The following GAPVD1 variants were observed in gnomAD, a reference collection of about 807,000 sequenced individuals.
The protein encoded by GAPVD1 is GTPase activating protein and VPS9 domains 1.
In GAPVD1, 35 loss-of-function variants were observed where a neutral mutation model predicts 155.5. The observed-to-expected ratio is 0.23, with a 90% CI of 0.17 to 0.30. The LOEUF (loss-of-function observed/expected upper bound fraction) is 0.30, where lower values mean the gene tolerates loss of function less well. Ranked by LOEUF, GAPVD1 falls within the 10% of genes least tolerant of loss-of-function variation. The pLI is 1.00. For missense variants in GAPVD1, 1,429 were observed against 1,775.7 expected (o/e 0.80, Z 3.51); for synonymous variants, 636 against 619.7 (o/e 1.03, Z -0.39).
chr9:125,286,262 C>T (rs1192992481), intron 2 of GAPVD1, among the ~76,000 whole-genome samples: 3 of 152,236 alleles, frequency 2.0e-5, no homozygotes, highest in Non-Finnish European at 2.9e-5. Flanking sequence ...AACAGCTGTG[C>T]GCCACCATGC....
At chr9:125,305,371 GTTT>G (rs34474690) in intron 6 of GAPVD1, among the ~76,000 whole-genome samples, 34 of 111,558 alleles carry the variant, frequency 3.0e-4, no homozygotes, top group African/African-American at 1.1e-3. Context: ...ATTTTAAAAA[GTTT>G]TTTTTTTTTT....
rs199800662 is a variant in GAPVD1, at chr9:125,307,536, C to G, written c.1240C>G (p.Leu414Val). Residue 414 changes from leucine (L) to valine (V), a missense_variant, in exon 7 of 28, where the codon CTT (leucine) becomes GTT (valine). Transcript: ENST00000297933. The stretch of plus-strand genomic sequence containing the variant: ...TGTGGTTTATATAACCTACAGTCAG[C>G]TTATTACTCTGGTAATGGCTTCATT... ...RTVVYITYSQLITLVNFMKSV... is the reference protein window; with the variant it reads ...RTVVYITYSQVITLVNFMKSV... 5.2e-5 allele frequency: 83 copies of G among 1,609,204 alleles called. No individual in the cohort carries two copies. In the Admixed American group the frequency reaches 1.4e-3, roughly 27 times the overall value.
intron 2 of GAPVD1, among the ~76,000 whole-genome samples, chr9:125,285,596 A>T (rs564417374): frequency 3.3e-5 from 5 of 150,420 alleles, no homozygotes; most frequent in African/African-American, 9.8e-5. Flanking sequence ...AATAGCTGGG[A>T]TTACAGGCAT....
intron 25 of GAPVD1, 48 bp from the exon 26 acceptor site, chr9:125,359,372 A>G (rs137905463): frequency 2.0e-5 from 20 of 1,015,456 alleles, no homozygotes; most frequent in Non-Finnish European, 3.0e-5. Context: ...TTTGTGTACC[A>G]TATTTTCTGA....
intron 23 of GAPVD1, among the ~76,000 whole-genome samples, chr9:125,351,668 A>G (rs1232791635): frequency 1.3e-5 from 2 of 152,162 alleles, no homozygotes; most frequent in African/African-American, 2.4e-5. Flanking sequence ...TAAAGCTTCA[A>G]AATGAACTCC....
chr9:125,278,418 G>A (rs557970487), intron 2 of GAPVD1, among the ~76,000 whole-genome samples: 1 of 152,286 alleles, frequency 6.6e-6, no homozygotes, highest in African/African-American at 2.4e-5. Flanking sequence ...GTACTCGGGA[G>A]GCTGAGGCAG....
chr9:125,360,476 G>A (rs562302931), intron 26 of GAPVD1, 52 bp from the exon 27 acceptor site: 80 of 1,448,270 alleles, frequency 5.5e-5, no homozygotes, highest in African/African-American at 3.6e-4. Flanking sequence ...TAGTCACTGC[G>A]CAGGGTTGCC....
chr9:125,342,468 C>A lies in GAPVD1; in HGVS notation c.3046+169C>A, dbSNP rs546178916. The stretch of plus-strand genomic sequence containing the variant: ...GTTTCCAGTTGGTGGCCACAGTAAA[C>A]CTGTGTGCTCTTCCTGCAGACTGCC... On this transcript the variant is annotated intron_variant, in intron 19 of 27. Transcript: ENST00000297933. Among the ~76,000 whole-genome samples, 12 of 152,282 alleles carry A rather than the reference C, an allele frequency of 7.9e-5. No individual in the cohort carries two copies. In the East Asian group the frequency reaches 1.4e-3, roughly 17 times the overall value.
At chr9:125,336,421 T>G (rs1236476955) in intron 15 of GAPVD1, among the ~76,000 whole-genome samples, 1 of 152,204 alleles carries the variant, frequency 6.6e-6, no homozygotes, top group African/African-American at 2.4e-5. Context: ...GAGAGCAGTG[T>G]TAGAACTTCA....
chr9:125,277,433 A>G (rs916634826), intron 2 of GAPVD1, among the ~76,000 whole-genome samples: 1 of 152,198 alleles, frequency 6.6e-6, no homozygotes, highest in African/African-American at 2.4e-5. Flanking sequence ...AAAGGAGTGG[A>G]CACAGGGCTC....
chr9:125,303,329 G>A (rs189869251), intron 5 of GAPVD1, among the ~76,000 whole-genome samples: 1 of 149,908 alleles, frequency 6.7e-6, no homozygotes, highest in East Asian at 2.1e-4. Flanking sequence ...TTGGGTGATT[G>A]TTAAAAAATG....
At chr9:125,293,854 AT>A (rs1839188022) in intron 2 of GAPVD1, among the ~76,000 whole-genome samples, 1 of 4,184 alleles carries the variant, frequency 2.4e-4, no homozygotes, top group Non-Finnish European at 3.8e-4. Context: ...AATATATTTT[AT>A]ATATATATAT....
intron 9 of GAPVD1, among the ~76,000 whole-genome samples, chr9:125,316,135 C>T (rs1465114507): frequency 6.6e-6 from 1 of 152,152 alleles, no homozygotes; most frequent in Non-Finnish European, 1.5e-5. Flanking sequence ...CAACAACCAA[C>T]TAGGGGTTAA....
chr9:125,324,966 T>C (rs1181335116), intron 11 of GAPVD1, among the ~76,000 whole-genome samples: 1 of 152,180 alleles, frequency 6.6e-6, no homozygotes, highest in Non-Finnish European at 1.5e-5. Flanking sequence ...GGCTCGTGCC[T>C]GTAATCCCAG....
chr9:125,271,271 A>G (rs1259867334), intron 2 of GAPVD1, among the ~76,000 whole-genome samples: 1 of 152,052 alleles, frequency 6.6e-6, no homozygotes, highest in African/African-American at 2.4e-5. Flanking sequence ...TTGCTCCCTT[A>G]TAATGCCGGT....
intron 6 of GAPVD1, among the ~76,000 whole-genome samples, chr9:125,305,516 G>C (rs929743980): frequency 1.3e-5 from 2 of 151,946 alleles, no homozygotes; most frequent in Non-Finnish European, 2.9e-5. Flanking sequence ...GATCACAGGT[G>C]CCTGCCACTA....
At chr9:125,264,218 G>A (rs141857565) in intron 1 of GAPVD1, 21 of 597,862 alleles carry the variant, frequency 3.5e-5, no homozygotes, top group South Asian at 3.1e-4. Context: ...GTTTTGAGAC[G>A]GAGTCTGGCT....
At chr9:125,327,771 T>A (rs529307038) in intron 12 of GAPVD1, among the ~76,000 whole-genome samples, 2 of 152,346 alleles carry the variant, frequency 1.3e-5, no homozygotes, top group African/African-American at 4.8e-5. Context: ...CCCAAAGTGC[T>A]GGGATTACAG....
chr9:125,348,977 A>G lies in GAPVD1; in HGVS notation c.3170-413A>G, dbSNP rs569327026. On this transcript the variant is annotated intron_variant, in intron 20 of 27. Coordinates refer to ENST00000297933, the MANE Select transcript of GAPVD1 (RefSeq NM_001282680.3). ...AGTCAACCTTGGCCATTGGCCAACC[A>G]AGAAATTTAGAGCAAGCCATTTTCT... 2.6e-4 allele frequency among the ~76,000 whole-genome samples: 40 copies of G among 152,302 alleles called. No homozygotes were observed. In the South Asian group the frequency reaches 7.5e-3, roughly 28 times the overall value.
Sources: allele counts gnomAD v4.1 joint callset (sites outside exome capture counted in the v4.1 genomes callset), GRCh38; gene constraint gnomAD v4.1.1; transcripts MANE v1.5; gene names NCBI Gene and HGNC (gene_info 2026-07-23, HGNC 2026-07-21).